UNC13C: variants seen among roughly 807,000 people sequenced by gnomAD.
UNC13C encodes the protein unc-13 homolog C.
Under a neutral mutation model 245.4 loss-of-function variants are expected in UNC13C, and 174 were observed. That is an observed-to-expected ratio of 0.71 (90% CI 0.63 to 0.80). UNC13C has a LOEUF of 0.80. Ranked by LOEUF, UNC13C falls within the 30% of genes least tolerant of loss-of-function variation. The pLI, the probability that UNC13C is intolerant of heterozygous loss-of-function variation, is 0.00. For missense variants in UNC13C, 2,829 were observed against 2,602.9 expected, an observed-to-expected ratio of 1.09 and a Z score of -1.89; for synonymous variants, 992 against 895.1, an observed-to-expected ratio of 1.11 and a Z score of -1.93.
At chr15:53,957,334 G>A in the UNC13C span, among the ~76,000 whole-genome samples, 65,631 of 151,798 alleles carry the variant, frequency 0.43, 14,391 homozygotes, top group East Asian at 0.61. Context: ...TAGAGATTGC[G>A]TTTCACCAGG....
intron 4 of UNC13C, among the ~76,000 whole-genome samples, chr15:54,223,846 C>G (rs1286142080): frequency 6.6e-6 from 1 of 151,908 alleles, no homozygotes; most frequent in Admixed American, 6.6e-5. Context: ...TTATAAAGAT[C>G]TTTCACTTAT....
intron 2 of UNC13C, among the ~76,000 whole-genome samples, chr15:54,142,710 G>C (rs1033158988): frequency 3.9e-5 from 6 of 152,212 alleles, no homozygotes; most frequent in Middle Eastern, 3.4e-3. Flanking sequence ...TCTAGTAAGT[G>C]GCAGAGCCTC....
At chr15:54,471,888 G>C (rs1892480450) in intron 19 of UNC13C, among the ~76,000 whole-genome samples, 2 of 151,698 alleles carry the variant, frequency 1.3e-5, no homozygotes, top group Admixed American at 1.3e-4. Flanking sequence ...ATATAGTTGG[G>C]TCTTTTAAAA....
At chr15:54,350,387 G>T (rs1031774053) in intron 17 of UNC13C, among the ~76,000 whole-genome samples, 2 of 152,250 alleles carry the variant, frequency 1.3e-5, no homozygotes, top group East Asian at 1.9e-4. Context: ...GTGGTCTTAT[G>T]TAAGTCAAAA....
In UNC13C at chr15:54,297,844, C is replaced by T. The variant is rs1177081689; in HGVS notation, c.4022C>T (p.Ala1341Val). Reference protein sequence around the residue: ...KRTDKSAVSGAIRLKINVEIK... With the variant: ...KRTDKSAVSGVIRLKINVEIK... ...ACAGATAAGTCAGCTGTATCTGGGG[C>T]CATACGATTGAAAATCAATGTGGAG... is the stretch of plus-strand genomic sequence containing the variant. Residue 1341 changes from alanine to valine, a missense_variant, in exon 12 of 33, where the codon GCC (alanine) becomes GTC (valine). Ala to Val is a moderately conservative substitution (Grantham distance 64, BLOSUM62 0). Transcript: ENST00000260323. 5 of 1,610,108 alleles carry T rather than the reference C, an allele frequency of 3.1e-6. No homozygotes were observed. The highest frequency in any genetic ancestry group is 1.7e-5 in the Admixed American group (1 of 59,632).
chr15:54,170,642 G>T (rs951813467), intron 4 of UNC13C, among the ~76,000 whole-genome samples: 1 of 151,924 alleles, frequency 6.6e-6, no homozygotes, highest in South Asian at 2.1e-4. Flanking sequence ...GATTTTATCT[G>T]TTATACTATA....
chr15:54,441,880 T>G (rs1890545685), intron 19 of UNC13C, among the ~76,000 whole-genome samples: 1 of 152,098 alleles, frequency 6.6e-6, no homozygotes, highest in African/African-American at 2.4e-5. Context: ...TTTTGTAGTT[T>G]TCATTGTGGA....
chr15:54,553,618 C>G (rs1270684008), intron 28 of UNC13C, among the ~76,000 whole-genome samples: 2 of 149,610 alleles, frequency 1.3e-5, no homozygotes, highest in Non-Finnish European at 3.0e-5. Flanking sequence ...ATATTAAAAC[C>G]AATTGATGAA....
intron 2 of UNC13C, among the ~76,000 whole-genome samples, chr15:54,139,159 C>T (rs1013657069): frequency 2.4e-4 from 36 of 151,580 alleles, no homozygotes; most frequent in South Asian, 2.1e-4. Flanking sequence ...GGGGTTTCAC[C>T]GTGTCAGCCA....
chr15:54,547,260 A>G (rs746135174), intron 27 of UNC13C, among the ~76,000 whole-genome samples: 1 of 151,928 alleles, frequency 6.6e-6, no homozygotes, highest in Non-Finnish European at 1.5e-5. Flanking sequence ...CCTTTCTATT[A>G]TGCTTTCATC....
intron 19 of UNC13C, among the ~76,000 whole-genome samples, chr15:54,469,677 C>A (rs1215527416): frequency 6.6e-6 from 1 of 151,574 alleles, no homozygotes; most frequent in African/African-American, 2.4e-5. Flanking sequence ...TGGTACACAG[C>A]AAATTCAAGT....
chr15:54,348,421 CTATT>C (rs1162950916), intron 17 of UNC13C, among the ~76,000 whole-genome samples: 3 of 152,096 alleles, frequency 2.0e-5, no homozygotes, highest in African/African-American at 4.8e-5. Context: ...AACAGAAACT[CTATT>C]TATCTTAATA....
At chr15:54,385,940 A>T (rs548601933) in intron 17 of UNC13C, among the ~76,000 whole-genome samples, 1 of 152,202 alleles carries the variant, frequency 6.6e-6, no homozygotes, top group African/African-American at 2.4e-5. Flanking sequence ...TAATTCTCAA[A>T]CTGCAAATGA....
intron 4 of UNC13C, among the ~76,000 whole-genome samples, chr15:54,202,210 G>A (rs1311256901): frequency 6.6e-6 from 1 of 151,938 alleles, no homozygotes; most frequent in Admixed American, 6.6e-5. Context: ...CTCATAGATG[G>A]ATAGAATCAA....
intron 2 of UNC13C, among the ~76,000 whole-genome samples, chr15:54,060,381 TG>T (rs1431155274): frequency 3.9e-5 from 6 of 152,118 alleles, no homozygotes; most frequent in Non-Finnish European, 8.8e-5. Context: ...TCATCATCAC[TG>T]GCCATCAGAG....
chr15:53,929,742 T>C, the UNC13C span, among the ~76,000 whole-genome samples: 4 of 152,314 alleles, frequency 2.6e-5, no homozygotes, highest in East Asian at 3.9e-4. Flanking sequence ...ATAAAAGTCA[T>C]GTTATCTGGC....
intron 23 of UNC13C, among the ~76,000 whole-genome samples, chr15:54,508,034 A>C (rs1372497216): frequency 1.3e-5 from 2 of 152,098 alleles, no homozygotes; most frequent in Non-Finnish European, 2.9e-5. Context: ...AAGATAAGTC[A>C]GTCCTAATGG....
In UNC13C at chr15:54,186,841, ATATG is replaced by A. The variant is rs139775701; in HGVS notation, c.3071+43161_3071+43164del. The stretch of plus-strand genomic sequence containing the variant: ...CTGACACATACAAAGAACATAATAT[ATATG>A]TATATATATATTTTGTTTTTTGAGA... On this transcript the variant is annotated intron_variant, in intron 4 of 32. Transcript: ENST00000260323. Among the ~76,000 whole-genome samples, 22 of 118,590 alleles carry A rather than the reference ATATG, an allele frequency of 1.9e-4. 1 individual carries two copies. The highest frequency in any genetic ancestry group is 8.3e-4 in the African/African-American group (20 of 24,046). 77.8% of individuals were successfully genotyped at this position (118,590 alleles called of 152,430 possible).
chr15:54,356,086 G>A (rs970382179), intron 17 of UNC13C, among the ~76,000 whole-genome samples: 1 of 152,130 alleles, frequency 6.6e-6, no homozygotes, highest in South Asian at 2.1e-4. Flanking sequence ...TGTCTGCGTG[G>A]TATTCCACTG....
Sources: gnomAD v4.1 joint callset for allele counts (sites outside exome capture counted in the v4.1 genomes callset) on GRCh38, gnomAD v4.1.1 for gene constraint, MANE v1.5 for transcripts, NCBI Gene and HGNC (gene_info 2026-07-23, HGNC 2026-07-21) for gene names.